Variants in BICC1 observed in about 807,000 individuals in gnomAD.
BICC1 encodes the protein BicC family RNA binding protein 1, also known as protein bicaudal C homolog 1.
BICC1 carries 43 observed loss-of-function variants against 111.0 expected under a neutral mutation model. The observed-to-expected ratio is 0.39, with a 90% CI of 0.30 to 0.50. BICC1 has a LOEUF of 0.50. Among genes scored for constraint, BICC1 ranks in the 20% least tolerant of loss-of-function variants. BICC1 has a pLI of 0.88. For synonymous variants in BICC1, 467 were observed against 434.4 expected (o/e 1.07, Z -0.93); for missense variants, 1,091 against 1,203.2 (o/e 0.91, Z 1.38).
Position 58,648,728 on chromosome 10 carries a change from T to C in BICC1, c.237+27827T>C, listed in dbSNP as rs7913344. 5.8e-6 allele frequency: 5 copies of C among 855,116 alleles called. No homozygotes were observed. In the East Asian group the frequency reaches 6.1e-4, roughly 105 times the overall value. The allele number at this position is 855,116 out of a possible 1,614,324, so 53.0% of individuals were successfully genotyped here. A position where few individuals can be genotyped will look rare whatever the true frequency, so the allele number is the denominator to read the frequency against. On this transcript the variant is annotated intron_variant, in intron 2 of 20. Transcript: ENST00000373886. ...TCTGTTGTTTGACCATAATGCTACT[T>C]GCTACTCCTGTCTTTTATCTTAATC...
chr10:58,788,091 G>A (rs554768388), intron 5 of BICC1, among the ~76,000 whole-genome samples: 1 of 152,250 alleles, frequency 6.6e-6, no homozygotes, highest in South Asian at 2.1e-4. Context: ...ATTATAAAGA[G>A]GGCAGGATGA....
intron 3 of BICC1, among the ~76,000 whole-genome samples, chr10:58,711,670 T>C (rs1840577687): frequency 6.6e-6 from 1 of 152,234 alleles, no homozygotes; most frequent in Non-Finnish European, 1.5e-5. Context: ...GCTTATCTTA[T>C]AACTGCTGCA....
intron 12 of BICC1, 33 bp from the exon 13 acceptor site, chr10:58,800,161 A>G: frequency 4.0e-6 from 6 of 1,505,934 alleles, no homozygotes; most frequent in Non-Finnish European, 5.4e-6. Context: ...AATTGTGACC[A>G]TATTTATACA....
intron 3 of BICC1, among the ~76,000 whole-genome samples, chr10:58,722,184 A>G (rs145704364): frequency 6.6e-6 from 1 of 152,354 alleles, no homozygotes; most frequent in Non-Finnish European, 1.5e-5. Context: ...TCCGGTTTCC[A>G]TGAGCAGTCA....
At chr10:58,689,179 T>C (rs1247599259) in intron 2 of BICC1, among the ~76,000 whole-genome samples, 1 of 152,190 alleles carries the variant, frequency 6.6e-6, no homozygotes, top group Non-Finnish European at 1.5e-5. Flanking sequence ...ACACTGATGG[T>C]TGGTACTCCT....
chr10:58,780,707 G>GA (rs1242418353), intron 3 of BICC1, among the ~76,000 whole-genome samples: 1 of 152,048 alleles, frequency 6.6e-6, no homozygotes, highest in Non-Finnish European at 1.5e-5. Flanking sequence ...TCCAAGGATG[G>GA]AAAACCACAG....
At chr10:58,823,427 C>T in intron 20 of BICC1, 1 of 983,780 alleles carries the variant, frequency 1.0e-6, no homozygotes. Flanking sequence ...CCTTGATAAC[C>T]TCTCTGGAAG....
chr10:58,616,997 G>A (rs933609457), intron 1 of BICC1, among the ~76,000 whole-genome samples: 5 of 152,262 alleles, frequency 3.3e-5, no homozygotes, highest in Non-Finnish European at 7.3e-5. Flanking sequence ...CAAGCCCTAC[G>A]GGTAGTTGAC....
intron 1 of BICC1, among the ~76,000 whole-genome samples, chr10:58,563,608 T>C (rs891833829): frequency 6.6e-6 from 1 of 152,200 alleles, no homozygotes; most frequent in African/African-American, 2.4e-5. Context: ...TGCAGTTATC[T>C]CTTTGTTGTT....
chr10:58,533,672 T>C (rs1044211396), intron 1 of BICC1, among the ~76,000 whole-genome samples: 3 of 151,772 alleles, frequency 2.0e-5, no homozygotes, highest in Admixed American at 6.6e-5. Context: ...GCCTGCCTTA[T>C]AAGAATTGTT....
chr10:58,783,380 T>G (rs1842930247), intron 3 of BICC1, among the ~76,000 whole-genome samples: 1 of 152,002 alleles, frequency 6.6e-6, no homozygotes, highest in African/African-American at 2.4e-5. Flanking sequence ...CTTCTTTCCT[T>G]CCTCCCTCTT....
At chr10:58,590,004 A>G (rs975276958) in intron 1 of BICC1, among the ~76,000 whole-genome samples, 1 of 151,932 alleles carries the variant, frequency 6.6e-6, no homozygotes, top group Non-Finnish European at 1.5e-5. Context: ...ATCCTCACCC[A>G]TGTGTATTTA....
intron 1 of BICC1, among the ~76,000 whole-genome samples, chr10:58,534,610 C>A (rs941073672): frequency 6.6e-6 from 1 of 151,316 alleles, no homozygotes; most frequent in Non-Finnish European, 1.5e-5. Flanking sequence ...AAAATAAATT[C>A]AAAAATAATG....
At chr10:58,655,852 T>C (rs4267020) in intron 2 of BICC1, among the ~76,000 whole-genome samples, 144,133 of 146,216 alleles carry the variant, frequency 0.99, 71,068 homozygotes, top group South Asian at 1. Flanking sequence ...TTTTGAAATA[T>C]GTCCCATCAA....
At chr10:58,559,455 C>T (rs1843545574) in intron 1 of BICC1, among the ~76,000 whole-genome samples, 1 of 151,822 alleles carries the variant, frequency 6.6e-6, no homozygotes, top group Non-Finnish European at 1.5e-5. Context: ...ATTTTGTGTC[C>T]TACACCTTTA....
intron 2 of BICC1, among the ~76,000 whole-genome samples, chr10:58,621,814 C>G (rs1471918573): frequency 6.6e-6 from 1 of 151,948 alleles, no homozygotes; most frequent in East Asian, 1.9e-4. Flanking sequence ...ACGAGAGTCA[C>G]TTGAACCCGG....
chr10:58,787,847 T>C (rs1214099698), intron 5 of BICC1, among the ~76,000 whole-genome samples: 1 of 152,136 alleles, frequency 6.6e-6, no homozygotes, highest in Non-Finnish European at 1.5e-5. Context: ...CTGGAGCCCC[T>C]GTACCCCCCA....
intron 3 of BICC1, among the ~76,000 whole-genome samples, chr10:58,741,203 G>A (rs189467536): frequency 1.3e-5 from 2 of 152,314 alleles, no homozygotes; most frequent in East Asian, 3.9e-4. Context: ...ACAGATGAGA[G>A]ATGAACTGTT....
At chr10:58,769,402 G>GTATATATATATATATATA (rs879547814) in intron 3 of BICC1, among the ~76,000 whole-genome samples, 2,707 of 111,084 alleles carry the variant, frequency 0.024, 61 homozygotes, top group Non-Finnish European at 0.036. Flanking sequence ...GTGTGTGTGT[G>GTATATATATATATATATA]TGTATATATA....
Sources: gnomAD v4.1 joint callset for allele counts (sites outside exome capture counted in the v4.1 genomes callset) on GRCh38, gnomAD v4.1.1 for gene constraint, MANE v1.5 for transcripts, NCBI Gene and HGNC (gene_info 2026-07-23, HGNC 2026-07-21) for gene names.